Variants in IMMP2L observed in about 807,000 individuals in gnomAD.
IMMP2L encodes the protein mitochondrial inner membrane protease subunit 2.
In IMMP2L, 18 loss-of-function variants were observed where a neutral mutation model predicts 19.3. The ratio of observed to expected loss-of-function variants is 0.93; its 90% CI spans 0.64 to 1.38. The LOEUF is 1.38. Among genes scored for constraint, IMMP2L ranks in the 40% most tolerant of loss-of-function variants. The pLI is 0.00. For missense variants in IMMP2L, 233 were observed against 218.2 expected (o/e 1.07, Z -0.43); for synonymous variants, 76 against 73.0 (o/e 1.04, Z -0.21).
chr7:111,160,326 C>A (rs6466373), intron 3 of IMMP2L, among the ~76,000 whole-genome samples: 1 of 151,838 alleles, frequency 6.6e-6, no homozygotes, highest in East Asian at 1.9e-4. Flanking sequence ...GGATAAATCC[C>A]ACTAACAAAC....
intron 3 of IMMP2L, among the ~76,000 whole-genome samples, chr7:111,251,121 T>G (rs186324395): frequency 6.6e-6 from 1 of 152,176 alleles, no homozygotes; most frequent in Admixed American, 6.5e-5. Context: ...AAGAAGACAT[T>G]CATAGAGCCA....
At chr7:111,167,568 AC>A (rs1375826750) in intron 3 of IMMP2L, among the ~76,000 whole-genome samples, 1 of 151,904 alleles carries the variant, frequency 6.6e-6, no homozygotes, top group Non-Finnish European at 1.5e-5. Context: ...CCCAAACTCC[AC>A]AAAACAAATG....
At chr7:111,546,782 T>A (rs992797450) in intron 1 of IMMP2L, among the ~76,000 whole-genome samples, 1 of 152,108 alleles carries the variant, frequency 6.6e-6, no homozygotes, top group Admixed American at 6.5e-5. Flanking sequence ...TATTTACAAA[T>A]AAGTAAATCC....
intron 1 of IMMP2L, among the ~76,000 whole-genome samples, chr7:111,539,242 GAAAGAAAGAAAGAAAGAAAGAAAGAAA>G (rs1585592348): frequency 2.1e-5 from 3 of 143,748 alleles, no homozygotes; most frequent in African/African-American, 8.0e-5. Flanking sequence ...AAGAAAGAAA[GAAAGAAAGAAAGAAAGAAAGAAAGAAA>G]GAGAACATAC....
At chr7:111,121,601 G>A (rs1472714886) in intron 3 of IMMP2L, among the ~76,000 whole-genome samples, 1 of 152,162 alleles carries the variant, frequency 6.6e-6, no homozygotes, top group African/African-American at 2.4e-5. Flanking sequence ...AGAGGATGTG[G>A]AGAAATAGGA....
At chr7:111,182,901 C>T (rs1807864208) in intron 3 of IMMP2L, among the ~76,000 whole-genome samples, 1 of 152,010 alleles carries the variant, frequency 6.6e-6, no homozygotes, top group South Asian at 2.1e-4. Context: ...ATCAAATCAA[C>T]CCTTAATTTG....
At chr7:110,698,570 T>C (rs1794043313) in intron 5 of IMMP2L, among the ~76,000 whole-genome samples, 1 of 152,172 alleles carries the variant, frequency 6.6e-6, no homozygotes, top group Non-Finnish European at 1.5e-5. Context: ...AAGTGATGGC[T>C]GGAGCTCAGC....
intron 3 of IMMP2L, among the ~76,000 whole-genome samples, chr7:111,250,734 A>G (rs1816007679): frequency 6.6e-6 from 1 of 152,148 alleles, no homozygotes; most frequent in Non-Finnish European, 1.5e-5. Context: ...CCTTCCTTAT[A>G]CCTTATACAA....
chr7:111,016,407 TTA>T lies in IMMP2L; in HGVS notation c.240-52844_240-52843del, dbSNP rs1460118899. Among the ~76,000 whole-genome samples, 3 of 140,946 alleles carry T rather than the reference TTA, an allele frequency of 2.1e-5. No homozygotes were observed. In the Admixed American group the frequency reaches 2.3e-4, roughly 11 times the overall value. The allele number at this position is 140,946 out of a possible 152,430, so 92.5% of individuals were successfully genotyped here. On this transcript the variant is annotated intron_variant, in intron 3 of 5. Transcript: ENST00000405709. ...ATATATATTTTTATATATTTATATTTTATATAATATATATTTTACATTATATT... is the reference window on the plus strand; with the variant it reads ...ATATATATTTTTATATATTTATATTTTATAATATATATTTTACATTATATT...
chr7:110,737,139 C>T (rs1796687511), intron 5 of IMMP2L, among the ~76,000 whole-genome samples: 1 of 152,180 alleles, frequency 6.6e-6, no homozygotes, highest in South Asian at 2.1e-4. Flanking sequence ...GCTCCAGGAA[C>T]TACAGCAGGA....
chr7:111,226,639 C>A (rs1466348577), intron 3 of IMMP2L, among the ~76,000 whole-genome samples: 1 of 151,998 alleles, frequency 6.6e-6, no homozygotes, highest in African/African-American at 2.4e-5. Flanking sequence ...ATGGGGGAGA[C>A]AATGTAAAAT....
intron 3 of IMMP2L, among the ~76,000 whole-genome samples, chr7:111,274,350 A>G (rs565814593): frequency 6.6e-6 from 1 of 152,320 alleles, no homozygotes; most frequent in South Asian, 2.1e-4. Flanking sequence ...ATCTTTTTAC[A>G]GTAACTGAAG....
chr7:110,799,442 G>A (rs1801093228), intron 5 of IMMP2L, among the ~76,000 whole-genome samples: 1 of 151,952 alleles, frequency 6.6e-6, no homozygotes. Flanking sequence ...ATTATAAAAT[G>A]AATTTAGATT....
At chr7:110,837,329 A>G (rs1804593394) in intron 5 of IMMP2L, among the ~76,000 whole-genome samples, 2 of 152,038 alleles carry the variant, frequency 1.3e-5, no homozygotes, top group South Asian at 4.2e-4. Flanking sequence ...AAAGGAGGTG[A>G]GGAGGAAAGA....
intron 3 of IMMP2L, among the ~76,000 whole-genome samples, chr7:111,388,092 G>T (rs1386272567): frequency 1.3e-5 from 2 of 150,858 alleles, no homozygotes; most frequent in African/African-American, 4.9e-5. Context: ...CACTTTTAGA[G>T]TCCACACAGC....
At chr7:110,978,311 T>C (rs1388050013) in intron 3 of IMMP2L, among the ~76,000 whole-genome samples, 2 of 152,046 alleles carry the variant, frequency 1.3e-5, no homozygotes, top group East Asian at 1.9e-4. Flanking sequence ...ATTATGTTAA[T>C]ATTTTAAAAG....
At chr7:110,853,835 C>A (rs799653) in intron 5 of IMMP2L, among the ~76,000 whole-genome samples, 70,190 of 151,258 alleles carry the variant, frequency 0.46, 16,801 homozygotes, top group East Asian at 0.8. Flanking sequence ...ATAGTCAATA[C>A]TAACTAGTTA....
At chr7:111,338,399 C>T (rs1008294289) in intron 3 of IMMP2L, among the ~76,000 whole-genome samples, 2 of 151,856 alleles carry the variant, frequency 1.3e-5, no homozygotes, top group African/African-American at 2.4e-5. Context: ...TACCCCCACC[C>T]CTGTCATTCT....
At chr7:110,730,273 C>T (rs1796174999) in intron 5 of IMMP2L, among the ~76,000 whole-genome samples, 1 of 152,112 alleles carries the variant, frequency 6.6e-6, no homozygotes, top group South Asian at 2.1e-4. Context: ...CAGCTGCCAA[C>T]GTGGCTAGAA....
Sources: allele counts gnomAD v4.1 joint callset (sites outside exome capture counted in the v4.1 genomes callset), GRCh38; gene constraint gnomAD v4.1.1; transcripts MANE v1.5; gene names NCBI Gene and HGNC (gene_info 2026-07-23, HGNC 2026-07-21).